The following LIN7A variants were observed in gnomAD, a reference collection of about 807,000 sequenced individuals.
LIN7A encodes the protein protein lin-7 homolog A.
LIN7A carries 25 observed loss-of-function variants against 29.8 expected under a neutral mutation model. The observed-to-expected ratio is 0.84, with a 90% CI of 0.61 to 1.17. The LOEUF is 1.17. LIN7A is among the 50% of genes most tolerant of loss of function. The pLI, the probability that LIN7A is intolerant of heterozygous loss-of-function variation, is 0.00. For synonymous variants in LIN7A, 118 were observed against 107.5 expected, an observed-to-expected ratio of 1.10 and a Z score of -0.60; for missense variants, 239 against 287.0, an observed-to-expected ratio of 0.83 and a Z score of 1.21.
intron 5 of LIN7A, among the ~76,000 whole-genome samples, chr12:80,811,060 T>A (rs1871263924): frequency 6.6e-6 from 1 of 152,174 alleles, no homozygotes; most frequent in African/African-American, 2.4e-5. Context: ...GTTAATACAC[T>A]GTGTAAAGGC....
intron 1 of LIN7A, among the ~76,000 whole-genome samples, chr12:80,913,688 G>C (rs1453109872): frequency 6.6e-6 from 1 of 152,098 alleles, no homozygotes; most frequent in Non-Finnish European, 1.5e-5. Flanking sequence ...GTGTTTATTA[G>C]GTTTTCTTTT....
chr12:80,820,655 A>ACACC (rs1304097440), intron 4 of LIN7A, among the ~76,000 whole-genome samples: 1 of 151,964 alleles, frequency 6.6e-6, no homozygotes, highest in Non-Finnish European at 1.5e-5. Context: ...ACACACACAC[A>ACACC]CACCCATCTT....
intron 4 of LIN7A, among the ~76,000 whole-genome samples, chr12:80,830,054 T>G (rs1025669935): frequency 1.3e-5 from 2 of 152,166 alleles, no homozygotes; most frequent in African/African-American, 4.8e-5. Flanking sequence ...TGTGTATATT[T>G]TCACCCTCAT....
intron 1 of LIN7A, among the ~76,000 whole-genome samples, chr12:80,931,084 A>G (rs1471851859): frequency 6.6e-6 from 1 of 152,190 alleles, no homozygotes; most frequent in Non-Finnish European, 1.5e-5. Flanking sequence ...CACCATCTCT[A>G]ATACCCAGGA....
chr12:80,841,373 AAGGAAGGAAGGAAGG>A (rs1872805836), intron 4 of LIN7A, among the ~76,000 whole-genome samples: 1 of 147,532 alleles, frequency 6.8e-6, no homozygotes, highest in Non-Finnish European at 1.5e-5. Flanking sequence ...GGAAGGAAGG[AAGGAAGGAAGGAAGG>A]AAGGAAGGAA....
At chr12:80,911,506 G>T (rs1383436943) in intron 1 of LIN7A, among the ~76,000 whole-genome samples, 2 of 151,954 alleles carry the variant, frequency 1.3e-5, no homozygotes, top group African/African-American at 4.8e-5. Flanking sequence ...CATATGGAAA[G>T]GGATATAGCA....
intron 2 of LIN7A, among the ~76,000 whole-genome samples, chr12:80,887,550 T>C (rs1423128711): frequency 6.6e-6 from 1 of 152,152 alleles, no homozygotes; most frequent in Non-Finnish European, 1.5e-5. Flanking sequence ...TTGTGATTTC[T>C]TCTGCCTGGA....
At chr12:80,804,829 C>A (rs1870899280) in intron 5 of LIN7A, among the ~76,000 whole-genome samples, 1 of 152,126 alleles carries the variant, frequency 6.6e-6, no homozygotes, top group African/African-American at 2.4e-5. Flanking sequence ...ATTGGGATTA[C>A]AGGTGTGAGC....
chr12:80,869,413 T>G (rs1874313674), intron 2 of LIN7A, among the ~76,000 whole-genome samples: 1 of 152,098 alleles, frequency 6.6e-6, no homozygotes, highest in Non-Finnish European at 1.5e-5. Context: ...TCAAACTGCC[T>G]GGTTGGATTG....
chr12:80,904,179 T>G (rs752954774), intron 1 of LIN7A, among the ~76,000 whole-genome samples: 2 of 152,146 alleles, frequency 1.3e-5, no homozygotes, highest in Non-Finnish European at 2.9e-5. Context: ...TATTTATTTT[T>G]AATCAACAAA....
At chr12:80,892,991 T>G (rs915600419) in intron 1 of LIN7A, among the ~76,000 whole-genome samples, 3 of 152,178 alleles carry the variant, frequency 2.0e-5, no homozygotes, top group African/African-American at 7.2e-5. Context: ...TTACCCCATT[T>G]GAGAGATGTT....
intron 1 of LIN7A, among the ~76,000 whole-genome samples, chr12:80,907,441 G>A (rs777310886): frequency 1.1e-4 from 17 of 152,112 alleles, no homozygotes; most frequent in Admixed American, 9.2e-4. Flanking sequence ...TAACATTAAG[G>A]AAAGAACAAT....
At chr12:80,878,535 G>A (rs1013075492) in intron 2 of LIN7A, among the ~76,000 whole-genome samples, 2 of 152,208 alleles carry the variant, frequency 1.3e-5, no homozygotes, top group African/African-American at 2.4e-5. Context: ...AGGTGGCACA[G>A]ACCCAAAGAG....
At chr12:80,841,424 G>A (rs918547336) in intron 4 of LIN7A, among the ~76,000 whole-genome samples, 3 of 151,774 alleles carry the variant, frequency 2.0e-5, no homozygotes, top group Non-Finnish European at 2.9e-5. Context: ...AAGAAAGTAC[G>A]AACAGCACCC....
At chr12:80,837,149 A>T (rs1440575354) in intron 4 of LIN7A, among the ~76,000 whole-genome samples, 1 of 152,140 alleles carries the variant, frequency 6.6e-6, no homozygotes, top group South Asian at 2.1e-4. Flanking sequence ...CAACGTGCCC[A>T]TGCTCTGTGG....
chr12:80,886,780 A>G (rs1429733532), intron 2 of LIN7A, among the ~76,000 whole-genome samples: 4 of 152,144 alleles, frequency 2.6e-5, no homozygotes, highest in East Asian at 1.9e-4. Context: ...CCACTTTACC[A>G]TAGGAAGAGT....
chr12:80,923,028 T>C (rs1877395485), intron 1 of LIN7A, among the ~76,000 whole-genome samples: 1 of 152,162 alleles, frequency 6.6e-6, no homozygotes, highest in Admixed American at 6.5e-5. Context: ...TGAGGGTGTT[T>C]CTGGAAGAGA....
intron 5 of LIN7A, among the ~76,000 whole-genome samples, chr12:80,801,897 CT>C (rs538377751): frequency 0.018 from 2,560 of 138,550 alleles, 58 homozygotes; most frequent in African/African-American, 0.06. Flanking sequence ...ATGAGTCTAA[CT>C]TTTTTTTTTT....
rs1870505719 is a variant in LIN7A at position 80,797,510 on chromosome 12, A to T, written c.*217T>A. On this transcript the variant is annotated 3_prime_UTR_variant, in exon 6 of 6. Coordinates refer to ENST00000552864, the MANE Select transcript of LIN7A (RefSeq NM_004664.4). ...GAGAATTCCCACTGCAGTGAATGGA[A>T]GGTCAATGTATGTAAAGCCCACGTG... 1 of 152,646 alleles carries T rather than the reference A, an allele frequency of 6.6e-6. No homozygotes were observed. Among genetic ancestry groups the T allele is most frequent in the African/African-American group, 2.4e-5 (1 of 41,448 alleles). The allele number at this position is 152,646 out of a possible 1,614,324, so 9.5% of individuals were successfully genotyped here. A position where few individuals can be genotyped will look rare whatever the true frequency, so the allele number is the denominator to read the frequency against.
Sources: allele counts gnomAD v4.1 joint callset (sites outside exome capture counted in the v4.1 genomes callset), GRCh38; gene constraint gnomAD v4.1.1; transcripts MANE v1.5; gene names NCBI Gene and HGNC (gene_info 2026-07-23, HGNC 2026-07-21).